Variants in HDAC9 observed in about 807,000 individuals in gnomAD.
The protein encoded by HDAC9 is MEF-2 interacting transcription repressor (MITR) protein.
A neutral mutation model predicts 139.4 loss-of-function variants in HDAC9; 41 were observed. That is an observed-to-expected ratio of 0.29 (90% CI 0.23 to 0.38). The LOEUF (loss-of-function observed/expected upper bound fraction) is 0.38. Ranked by LOEUF, HDAC9 falls within the 10% of genes least tolerant of loss-of-function variation. The pLI is 1.00. For synonymous variants in HDAC9, 517 were observed against 476.2 expected, an observed-to-expected ratio of 1.09 and a Z score of -1.12; for missense variants, 1,147 against 1,297.0, an observed-to-expected ratio of 0.88 and a Z score of 1.78.
In HDAC9 at chr7:18,590,449, G is replaced by C; in HGVS notation, c.378G>C (p.Gln126His). The part of the protein sequence containing the change: ...QEVERHRREQ[Q>H]LPPLRGKDRG... Reference sequence around the variant, plus strand: ...TAGAGAGGCATCGCAGAGAACAGCAGCTTCCTCCTCTCAGAGGCAAAGATA... The same window carrying C: ...TAGAGAGGCATCGCAGAGAACAGCACCTTCCTCCTCTCAGAGGCAAAGATA... Residue 126 changes from glutamine (Q) to histidine (H), a missense_variant, in exon 4 of 26, where the codon CAG (glutamine) becomes CAC (histidine). Around this residue, in one of 7 missense-constraint regions of HDAC9, gnomAD observed 136 missense variants for 183.5 expected, o/e 0.74. Coordinates refer to ENST00000686413, the MANE Select transcript of HDAC9 (RefSeq NM_178425.4). The C allele has an allele frequency of 6.2e-7, 1 of 1,604,980 alleles. No individual in the cohort carries two copies. The highest frequency in any genetic ancestry group is 1.1e-5 in the South Asian group (1 of 89,306).
intron 13 of HDAC9, among the ~76,000 whole-genome samples, chr7:18,745,888 T>TA (rs1787923352): frequency 7.3e-6 from 1 of 136,662 alleles, no homozygotes; most frequent in Non-Finnish European, 1.5e-5. Flanking sequence ...TTCTTCTTTT[T>TA]TTTTTTTTTT....
intron 2 of HDAC9, among the ~76,000 whole-genome samples, chr7:18,282,585 C>T (rs950082016): frequency 6.6e-6 from 1 of 152,148 alleles, no homozygotes; most frequent in Non-Finnish European, 1.5e-5. Context: ...ACTTGCTGAG[C>T]ATTTCCTTAA....
intron 1 of HDAC9, among the ~76,000 whole-genome samples, chr7:18,461,681 C>T (rs1255050160): frequency 1.3e-5 from 2 of 152,112 alleles, no homozygotes; most frequent in African/African-American, 4.8e-5. Context: ...TCACTTTTGT[C>T]ATTGCCTACC....
rs568218519 is a variant in HDAC9, at chr7:18,779,439, A to T, written c.2214+12284A>T. ...GACCAGAATCATGATTCTCATTATT[A>T]TCCCACAGGAGGAGAAAAGGGACAG... On this transcript the variant is annotated intron_variant, in intron 16 of 25. Coordinates refer to ENST00000686413, the MANE Select transcript of HDAC9 (RefSeq NM_178425.4). 9.2e-5 allele frequency among the ~76,000 whole-genome samples: 14 copies of T among 152,170 alleles called. No individual in the cohort carries two copies. The South Asian group carries it at 2.7e-3, about 29-fold the overall frequency.
intron 2 of HDAC9, among the ~76,000 whole-genome samples, chr7:18,225,464 G>A (rs907104323): frequency 3.9e-5 from 6 of 152,094 alleles, no homozygotes; most frequent in Non-Finnish European, 7.4e-5. Flanking sequence ...AATACAAAAG[G>A]AAGCTATTGA....
chr7:18,159,610 G>A (rs1301906288), intron 1 of HDAC9, among the ~76,000 whole-genome samples: 1 of 152,126 alleles, frequency 6.6e-6, no homozygotes, highest in African/African-American at 2.4e-5. Context: ...TACATGTGAT[G>A]TGCACATATG....
intron 22 of HDAC9, among the ~76,000 whole-genome samples, chr7:18,906,233 C>G (rs1036861088): frequency 9.2e-5 from 14 of 152,064 alleles, no homozygotes; most frequent in Admixed American, 2.6e-4. Context: ...ACCTAGACGC[C>G]TCCCAGGCTC....
intron 1 of HDAC9, among the ~76,000 whole-genome samples, chr7:18,147,696 C>T (rs186041062): frequency 2.7e-5 from 4 of 150,890 alleles, no homozygotes; most frequent in Admixed American, 2.0e-4. Flanking sequence ...TAAAATTTCA[C>T]TCACTGTCCA....
chr7:18,508,800 T>C (rs1279671994), intron 2 of HDAC9, among the ~76,000 whole-genome samples: 1 of 152,200 alleles, frequency 6.6e-6, no homozygotes, highest in Non-Finnish European at 1.5e-5. Context: ...TAAAGGAGTA[T>C]GAAATACAGT....
At chr7:18,099,878 G>A (rs983120448) in intron 1 of HDAC9, among the ~76,000 whole-genome samples, 2 of 152,090 alleles carry the variant, frequency 1.3e-5, no homozygotes, top group East Asian at 1.9e-4. Flanking sequence ...AGATATTTAT[G>A]TAAAACAGAA....
chr7:18,669,446 G>A (rs556888658), intron 12 of HDAC9, among the ~76,000 whole-genome samples: 2 of 151,832 alleles, frequency 1.3e-5, no homozygotes, highest in African/African-American at 4.8e-5. Context: ...TCAAGTAAAG[G>A]CAACTCTGCC....
At chr7:18,606,333 A>G (rs1395455403) in intron 6 of HDAC9, among the ~76,000 whole-genome samples, 2 of 152,242 alleles carry the variant, frequency 1.3e-5, no homozygotes, top group African/African-American at 4.8e-5. Context: ...TCTGTAAAAC[A>G]TTAAAAATAC....
intron 16 of HDAC9, among the ~76,000 whole-genome samples, chr7:18,791,563 A>C (rs2129178041): frequency 6.6e-6 from 1 of 152,310 alleles, no homozygotes; most frequent in Non-Finnish European, 1.5e-5. Context: ...CTCAGTGTCC[A>C]TTTCAATGAT....
chr7:18,308,689 G>T (rs989163189), intron 1 of HDAC9, among the ~76,000 whole-genome samples: 2 of 152,032 alleles, frequency 1.3e-5, no homozygotes, highest in East Asian at 3.9e-4. Flanking sequence ...ATTAAGCAAG[G>T]ATATAAGTTA....
chr7:18,760,845 T>C (rs935691684), intron 14 of HDAC9, among the ~76,000 whole-genome samples: 5 of 152,216 alleles, frequency 3.3e-5, no homozygotes, highest in African/African-American at 1.2e-4. Context: ...TGTCCTGGCC[T>C]GCCCCTTCAG....
intron 1 of HDAC9, among the ~76,000 whole-genome samples, chr7:18,108,621 T>C (rs1237592356): frequency 3.3e-5 from 5 of 149,828 alleles, no homozygotes; most frequent in African/African-American, 4.9e-5. Flanking sequence ...CTTTTTTTTT[T>C]TTTTTTTTTT....
At chr7:18,206,759 G>A (rs1033848588) in intron 2 of HDAC9, among the ~76,000 whole-genome samples, 1 of 152,112 alleles carries the variant, frequency 6.6e-6, no homozygotes, top group African/African-American at 2.4e-5. Context: ...GGTGCATCAT[G>A]CTTTTTGAGG....
chr7:18,460,788 CAA>C (rs750144894), intron 1 of HDAC9, among the ~76,000 whole-genome samples: 1,284 of 45,256 alleles, frequency 0.028, 13 homozygotes, highest in African/African-American at 0.089. Context: ...AACTCTGTCT[CAA>C]AAAAAAAAAA....
At chr7:18,627,270 G>A (rs772702313) in intron 6 of HDAC9, among the ~76,000 whole-genome samples, 3 of 152,076 alleles carry the variant, frequency 2.0e-5, no homozygotes, top group Non-Finnish European at 2.9e-5. Flanking sequence ...TACTCCCTAT[G>A]GACTGCCAGT....
Sources: gnomAD v4.1 joint callset for allele counts (sites outside exome capture counted in the v4.1 genomes callset) on GRCh38, gnomAD v4.1.1 for gene constraint, gnomAD v4.1.1 regional missense constraint, MANE v1.5 for transcripts, NCBI Gene and HGNC (gene_info 2026-07-23, HGNC 2026-07-21) for gene names.